Variants in SUSD1 observed in about 807,000 individuals in gnomAD.
SUSD1 encodes sushi domain-containing protein 1.
In SUSD1, 65 loss-of-function variants were observed where a neutral mutation model predicts 86.9. The observed-to-expected ratio is 0.75, with a 90% CI of 0.61 to 0.92. The LOEUF (loss-of-function observed/expected upper bound fraction) is 0.92, where lower values mean the gene tolerates loss of function less well. Among genes scored for constraint, SUSD1 ranks in the 40% least tolerant of loss-of-function variants. The pLI, the probability that SUSD1 is intolerant of heterozygous loss-of-function variation, is 0.00. For missense variants in SUSD1, 850 were observed against 929.7 expected, an observed-to-expected ratio of 0.91 and a Z score of 1.11; for synonymous variants, 346 against 350.0, an observed-to-expected ratio of 0.99 and a Z score of 0.13.
intron 1 of SUSD1, among the ~76,000 whole-genome samples, chr9:112,161,845 T>C (rs1212887911): frequency 2.0e-5 from 3 of 148,766 alleles, no homozygotes; most frequent in Non-Finnish European, 3.0e-5. Flanking sequence ...AAAAATGCAA[T>C]CTTATTAAAT....
intron 12 of SUSD1, among the ~76,000 whole-genome samples, chr9:112,077,881 G>A (rs1380085316): frequency 6.6e-6 from 1 of 151,854 alleles, no homozygotes; most frequent in Admixed American, 6.6e-5. Context: ...AGCATTTTTT[G>A]TTTAAGTATA....
Position 112,041,160 on chromosome 9 carries a change from T to A in SUSD1, c.*332A>T, listed in dbSNP as rs1347602316. 3 of 487,030 alleles carry A rather than the reference T, an allele frequency of 6.2e-6. No individual in the cohort carries two copies. Among genetic ancestry groups the A allele is most frequent in the Non-Finnish European group, 7.4e-6 (2 of 272,092 alleles). 30.2% of individuals were successfully genotyped at this position (487,030 alleles called of 1,614,324 possible). ...GTCTAGAGGAGCTGACCCTCAGGCA[T>A]CACTCAGAGGAAGTCCCAGCCAAGA... On this transcript the variant is annotated 3_prime_UTR_variant, in exon 17 of 17. Coordinates refer to ENST00000374270, the MANE Select transcript of SUSD1 (RefSeq NM_022486.5).
chr9:112,165,950 A>AAAGAAAGGAAGAAAGG (rs1180080994), intron 1 of SUSD1, among the ~76,000 whole-genome samples: 1 of 144,734 alleles, frequency 6.9e-6, no homozygotes, highest in African/African-American at 2.7e-5. Context: ...AAGAAGAAAG[A>AAAGAAAGGAAGAAAGG]AAGAAAGAAA....
intron 6 of SUSD1, among the ~76,000 whole-genome samples, chr9:112,119,723 CA>C (rs1459820394): frequency 6.6e-6 from 1 of 152,118 alleles, no homozygotes; most frequent in Non-Finnish European, 1.5e-5. Context: ...GGGGTTTTTC[CA>C]GACACGAAAG....
At chr9:112,051,658 C>T (rs1290121627) in intron 15 of SUSD1, among the ~76,000 whole-genome samples, 1 of 151,862 alleles carries the variant, frequency 6.6e-6, no homozygotes, top group African/African-American at 2.4e-5. Context: ...CTCGAACTCC[C>T]AACCTCAGGT....
In SUSD1 at chr9:112,060,213, C is replaced by T. The variant is rs140707012; in HGVS notation, c.1851-1527G>A. On this transcript the variant is annotated intron_variant, in intron 13 of 16. Transcript: ENST00000374270. ...GTGTTGGATATGGAAAGTCTCCCCC[C>T]ACCAGGTTCCCAAACATCCTAGGTA... is the stretch of plus-strand genomic sequence containing the variant. 5.9e-5 allele frequency among the ~76,000 whole-genome samples: 9 copies of T among 152,222 alleles called. No homozygotes were observed. The East Asian group carries it at 9.6e-4, about 16-fold the overall frequency.
At chr9:112,048,246 C>G (rs1383636277) in intron 15 of SUSD1, among the ~76,000 whole-genome samples, 2 of 152,190 alleles carry the variant, frequency 1.3e-5, no homozygotes, top group African/African-American at 2.4e-5. Context: ...AATCCCTTCA[C>G]AGCAATACCT....
chr9:112,082,343 G>T lies in SUSD1; in HGVS notation c.1475-2178C>A, dbSNP rs141775844. Among the ~76,000 whole-genome samples the T allele has an allele frequency of 1.1e-4, 16 of 152,292 alleles. No individual in the cohort carries two copies. In the East Asian group the frequency reaches 3.1e-3, roughly 29 times the overall value. On this transcript the variant is annotated intron_variant, in intron 10 of 16. Transcript: ENST00000374270. ...ACATCCTAGTCCCTGGAACCTGTAT[G>T]TTACCTTACATGGCAGAAACACTTT...
chr9:112,058,123 G>C (rs1020828324), intron 14 of SUSD1, among the ~76,000 whole-genome samples: 1 of 152,212 alleles, frequency 6.6e-6, no homozygotes, highest in African/African-American at 2.4e-5. Flanking sequence ...AGAGAATCTA[G>C]ATGTTTCTTT....
intron 5 of SUSD1, among the ~76,000 whole-genome samples, chr9:112,129,163 T>C (rs1831909195): frequency 6.6e-6 from 1 of 151,922 alleles, no homozygotes; most frequent in Non-Finnish European, 1.5e-5. Flanking sequence ...AAGGAAGAGA[T>C]GGATTTGTGA....
Position 112,175,122 on chromosome 9 carries a change from C to T in SUSD1, c.103+11G>A. On this transcript the variant is annotated intron_variant, in intron 1 of 16. Coordinates refer to ENST00000374270, the MANE Select transcript of SUSD1 (RefSeq NM_022486.5). The surrounding 1 kb of genome is among the most constrained non-coding windows in gnomAD (Gnocchi z 4.7). ...CGCCGGCCGCCCGTGCCCGTCCCAG[C>T]CCGCACTCACCGTCGGGGCCCGGCG... 6.8e-6 allele frequency: 7 copies of T among 1,035,052 alleles called. No homozygotes were observed. Among genetic ancestry groups the T allele is most frequent in the Non-Finnish European group, 8.1e-6 (7 of 864,810 alleles). 64.1% of individuals were successfully genotyped at this position (1,035,052 alleles called of 1,614,324 possible).
At chr9:112,165,055 T>G (rs976924402) in intron 1 of SUSD1, among the ~76,000 whole-genome samples, 3 of 152,360 alleles carry the variant, frequency 2.0e-5, no homozygotes, top group Admixed American at 2.0e-4. Context: ...ATATTTTGGA[T>G]TTCTAAGAAG....
At chr9:112,117,105 A>G (rs1011752917) in intron 6 of SUSD1, among the ~76,000 whole-genome samples, 2 of 152,196 alleles carry the variant, frequency 1.3e-5, no homozygotes, top group African/African-American at 4.8e-5. Context: ...GTGCCACTGC[A>G]CTCCAGCCTG....
At chr9:112,108,014 A>G (rs564065485) in intron 8 of SUSD1, among the ~76,000 whole-genome samples, 84 of 152,342 alleles carry the variant, frequency 5.5e-4, no homozygotes, top group African/African-American at 1.9e-3. Flanking sequence ...GGCCCAAGAA[A>G]ATGTCAATAA....
At chr9:112,062,851 AG>A in intron 13 of SUSD1, 85 bp downstream of exon 13, 1 of 872,622 alleles carries the variant, frequency 1.1e-6, no homozygotes, top group Non-Finnish European at 1.8e-6. Context: ...CCACCAACAC[AG>A]AAGTCTTCTC....
chr9:112,165,961 G>GAAAGAAAGAAAGAAAGAAAGAA (rs1833802444), intron 1 of SUSD1, among the ~76,000 whole-genome samples: 1 of 150,036 alleles, frequency 6.7e-6, no homozygotes, highest in South Asian at 2.1e-4. Context: ...AAGAAAGAAA[G>GAAAGAAAGAAAGAAAGAAAGAA]AAAGAAAGAA....
chr9:112,142,265 T>C, intron 5 of SUSD1, 55 bp downstream of exon 5: 1 of 1,384,782 alleles, frequency 7.2e-7, no homozygotes, highest in Non-Finnish European at 9.6e-7. Context: ...GAGAAAAATA[T>C]GAAAACAGTT....
intron 1 of SUSD1, among the ~76,000 whole-genome samples, chr9:112,164,570 T>A (rs1313027553): frequency 6.6e-6 from 1 of 150,458 alleles, no homozygotes; most frequent in African/African-American, 2.4e-5. Context: ...AGAAAACTCA[T>A]ATATCCCATA....
intron 1 of SUSD1, among the ~76,000 whole-genome samples, chr9:112,162,420 AC>A (rs1833611319): frequency 6.6e-6 from 1 of 152,204 alleles, no homozygotes; most frequent in African/African-American, 2.4e-5. Context: ...AACTAAAGTA[AC>A]CCAAGCTAAG....
Sources: gnomAD v4.1 joint callset for allele counts (sites outside exome capture counted in the v4.1 genomes callset) on GRCh38, gnomAD v4.1.1 for gene constraint, Gnocchi (gnomAD v3.1) non-coding constraint, MANE v1.5 for transcripts, NCBI Gene and HGNC (gene_info 2026-07-23, HGNC 2026-07-21) for gene names.